The following C1orf94 variants were observed in gnomAD, a reference collection of about 807,000 sequenced individuals.
C1orf94 encodes uncharacterized protein C1orf94.
Under a neutral mutation model 53.6 loss-of-function variants are expected in C1orf94, and 45 were observed. That is an observed-to-expected ratio of 0.84 (90% CI 0.66 to 1.08). C1orf94 has a LOEUF of 1.08. Among genes scored for constraint, C1orf94 ranks in the 50% least tolerant of loss-of-function variants. The pLI is 0.00. For missense variants in C1orf94, 762 were observed against 738.9 expected (o/e 1.03, Z -0.36); for synonymous variants, 304 against 296.1 (o/e 1.03, Z -0.27).
At chr1:34,167,830 A>G (rs1642073468) in intron 1 of C1orf94, among the ~76,000 whole-genome samples, 2 of 152,122 alleles carry the variant, frequency 1.3e-5, no homozygotes, top group African/African-American at 2.4e-5. Context: ...CAGAAGGCTA[A>G]TTTAAGAAGG....
chr1:34,192,692 G>C (rs1771369), intron 1 of C1orf94, among the ~76,000 whole-genome samples: 13 of 152,154 alleles, frequency 8.5e-5, no homozygotes, highest in Admixed American at 2.0e-4. Flanking sequence ...AGAGGAAGGT[G>C]GGGGAGGGAC....
chr1:34,183,671 C>T (rs1471066709), intron 1 of C1orf94, among the ~76,000 whole-genome samples: 1 of 152,090 alleles, frequency 6.6e-6, no homozygotes, highest in Non-Finnish European at 1.5e-5. Context: ...GCCTGGCTAA[C>T]ATGGTAAAAC....
chr1:34,179,246 C>T (rs1642277561), intron 1 of C1orf94, among the ~76,000 whole-genome samples: 1 of 152,284 alleles, frequency 6.6e-6, no homozygotes, highest in Non-Finnish European at 1.5e-5. Context: ...CTGCCCTGTG[C>T]TCAGCATGAC....
chr1:34,203,199 A>G (rs1187191085), intron 4 of C1orf94, among the ~76,000 whole-genome samples: 3 of 152,144 alleles, frequency 2.0e-5, no homozygotes, highest in Admixed American at 6.5e-5. Context: ...GTGCAGTGGC[A>G]TGACCTTGGC....
Position 34,202,277 on chromosome 1 carries a change from G to T in C1orf94, c.1446+18G>T, listed in dbSNP as rs1258029896. 1.2e-6 allele frequency: 2 copies of T among 1,611,886 alleles called. No individual in the cohort carries two copies. Among genetic ancestry groups the T allele is most frequent in the Non-Finnish European group, 8.5e-7 (1 of 1,178,864 alleles). Reference sequence around the variant, plus strand: ...AGTATCAGGTCAGTGAGCTGGCCTGGCTCTCCTGTGGACATCCACGGGGGT... The same window carrying T: ...AGTATCAGGTCAGTGAGCTGGCCTGTCTCTCCTGTGGACATCCACGGGGGT... On this transcript the variant is annotated intron_variant, in intron 4 of 6. Transcript: ENST00000488417.
rs145466967 is a variant in C1orf94, at chr1:34,200,980, C to T, written c.1218C>T (p.Ser406=). ...YEFLGATKNP[S]GQPRLRNKVE... ...TCCTTGGGGCCACCAAGAACCCAAG[C>T]GGGCAGCCGAGACTTCGAAACAAAG... Residue 406 remains serine, a synonymous_variant, in exon 3 of 7, where the codon AGC becomes AGT. Transcript: ENST00000488417. The T allele has an allele frequency of 1.4e-5, 23 of 1,612,796 alleles. No homozygotes were observed. The highest frequency in any genetic ancestry group is 4.0e-5 in the African/African-American group (3 of 74,810).
Position 34,197,199 on chromosome 1 carries a change from C to G in C1orf94, c.321-26C>G, listed in dbSNP as rs1557483506. ...CGCCTTGGTGAGCTGGCACTAACAC[C>G]GTCTGTCTCTCTGACCCATTTCCAG... On this transcript the variant is annotated intron_variant, in intron 1 of 6. Coordinates refer to ENST00000488417, the MANE Select transcript of C1orf94 (RefSeq NM_001134734.2). The surrounding 1 kb of genome is among the most constrained non-coding windows in gnomAD (Gnocchi z 4.1). The G allele has an allele frequency of 6.7e-7, 1 of 1,487,734 alleles. No homozygotes were observed. 92.2% of individuals were successfully genotyped at this position (1,487,734 alleles called of 1,614,324 possible). A position where few individuals can be genotyped will look rare whatever the true frequency, so the allele number is the denominator to read the frequency against.
intron 1 of C1orf94, among the ~76,000 whole-genome samples, chr1:34,186,132 A>C (rs1642381865): frequency 6.6e-6 from 1 of 152,136 alleles, no homozygotes. Flanking sequence ...ACTATGTCCC[A>C]CCTCTTTCCT....
At chr1:34,170,308 T>A in intron 1 of C1orf94, among the ~76,000 whole-genome samples, 1 of 151,112 alleles carries the variant, frequency 6.6e-6, no homozygotes, top group East Asian at 1.9e-4. Flanking sequence ...GGGTTGAGAG[T>A]TTATTGAGAA....
At chr1:34,171,214 T>C (rs1260450752) in intron 1 of C1orf94, among the ~76,000 whole-genome samples, 2 of 152,182 alleles carry the variant, frequency 1.3e-5, no homozygotes, top group Admixed American at 6.5e-5. Context: ...CTCTAAGCCA[T>C]TCTGACACCC....
intron 1 of C1orf94, among the ~76,000 whole-genome samples, chr1:34,193,921 C>T (rs1251487407): frequency 3.3e-5 from 5 of 152,214 alleles, no homozygotes; most frequent in African/African-American, 9.6e-5. Flanking sequence ...TTCTAAGAGC[C>T]TCATTGATTC....
chr1:34,201,714 A>G (rs2148619250), intron 3 of C1orf94, among the ~76,000 whole-genome samples: 1 of 152,352 alleles, frequency 6.6e-6, no homozygotes, highest in East Asian at 1.9e-4. Flanking sequence ...TGGCATAGCA[A>G]TGGTTCACAT....
At chr1:34,184,907 C>T (rs146862516) in intron 1 of C1orf94, among the ~76,000 whole-genome samples, 1,970 of 152,018 alleles carry the variant, frequency 0.013, 20 homozygotes, top group Middle Eastern at 0.044. Flanking sequence ...GACTCAGATA[C>T]GGAAACTCAG....
Position 34,177,202 on chromosome 1 carries a change from G to C in C1orf94, c.-588G>C, listed in dbSNP as rs1442913921. 1.3e-5 allele frequency among the ~76,000 whole-genome samples: 2 copies of C among 152,202 alleles called. No homozygotes were observed. Among genetic ancestry groups the C allele is most frequent in the Non-Finnish European group, 2.9e-5 (2 of 68,026 alleles). On this transcript the variant is annotated 5_prime_UTR_variant, in exon 1 of 7. Coordinates refer to ENST00000488417, the MANE Select transcript of C1orf94 (RefSeq NM_001134734.2). ...AGCAGCGGGAGACCGGGAGCAGGAG[G>C]GGTAGGGCGAGAGAAAAGCAGGACC...
chr1:34,174,499 C>G (rs756680392), upstream of C1orf94, among the ~76,000 whole-genome samples: 5 of 151,930 alleles, frequency 3.3e-5, no homozygotes, highest in Non-Finnish European at 7.4e-5. Context: ...GGAGATGAGT[C>G]CTTTAAAGAG....
chr1:34,203,453 T>A (rs1404758250), intron 4 of C1orf94, among the ~76,000 whole-genome samples: 4 of 152,196 alleles, frequency 2.6e-5, no homozygotes, highest in African/African-American at 7.2e-5. Flanking sequence ...TATCAGAGAC[T>A]TGAGCATCTT....
upstream of C1orf94, among the ~76,000 whole-genome samples, chr1:34,174,760 A>G (rs187799291): frequency 6.6e-6 from 1 of 152,324 alleles, no homozygotes; most frequent in East Asian, 1.9e-4. Context: ...TTTAAGCCAC[A>G]CAGTCTGTGG....
intron 5 of C1orf94, 71 bp from the exon 6 acceptor site, chr1:34,212,139 G>T: frequency 2.1e-6 from 3 of 1,398,378 alleles, no homozygotes; most frequent in East Asian, 2.4e-5. Context: ...CTGAGACTGG[G>T]GGTGGGTGGC....
intron 1 of C1orf94, among the ~76,000 whole-genome samples, chr1:34,191,584 G>A (rs1358429592): frequency 3.9e-5 from 6 of 152,134 alleles, no homozygotes; most frequent in Admixed American, 2.6e-4. Flanking sequence ...TCAAGCCCAG[G>A]TCTGTGCCTG....
Sources: gnomAD v4.1 joint callset for allele counts (sites outside exome capture counted in the v4.1 genomes callset) on GRCh38, gnomAD v4.1.1 for gene constraint, Gnocchi (gnomAD v3.1) non-coding constraint, MANE v1.5 for transcripts, NCBI Gene and HGNC (gene_info 2026-07-23, HGNC 2026-07-21) for gene names.